Variants in DNAH2 observed in about 807,000 individuals in gnomAD.
The protein encoded by DNAH2 is dynein axonemal heavy chain 2.
A neutral mutation model predicts 523.5 loss-of-function variants in DNAH2; 323 were observed. The ratio of observed to expected loss-of-function variants is 0.62; its 90% CI spans 0.56 to 0.68. DNAH2 has a LOEUF of 0.68. Ranked by LOEUF, DNAH2 falls within the 30% of genes least tolerant of loss-of-function variation. The pLI, the probability that DNAH2 is intolerant of heterozygous loss-of-function variation, is 0.00. For synonymous variants in DNAH2, 2,093 were observed against 2,177.4 expected (o/e 0.96, Z 1.08); for missense variants, 4,907 against 5,701.5 (o/e 0.86, Z 4.49).
intron 8 of DNAH2, 73 bp downstream of exon 8, chr17:7,737,331 T>A: frequency 6.7e-7 from 1 of 1,483,862 alleles, no homozygotes; most frequent in South Asian, 1.2e-5. Context: ...GGGGAATGCA[T>A]TCGGCAGAGG....
In DNAH2 at chr17:7,833,642, C is replaced by T. The variant is rs563618149; in HGVS notation, c.*109C>T. 17 of 1,487,306 alleles carry T rather than the reference C, an allele frequency of 1.1e-5. No homozygotes were observed. The highest frequency in any genetic ancestry group is 1.7e-4 in the Middle Eastern group (1 of 5,842). The allele number at this position is 1,487,306 out of a possible 1,614,324, so 92.1% of individuals were successfully genotyped here. On this transcript the variant is annotated 3_prime_UTR_variant, in exon 86 of 86. Coordinates refer to ENST00000572933, the MANE Select transcript of DNAH2 (RefSeq NM_020877.5). ...ACCTCACTCAGACTTTGACCTTGGC[C>T]GAATTTGTGTGATGTGGCCCTGGAG...
At chr17:7,750,387 CG>C (rs1318475018) in intron 12 of DNAH2, among the ~76,000 whole-genome samples, 1 of 152,196 alleles carries the variant, frequency 6.6e-6, no homozygotes, top group Non-Finnish European at 1.5e-5. Context: ...GCAGTTACCC[CG>C]GGACTTCCCT....
rs540695293 is a variant in DNAH2, at chr17:7,733,188, T to C, written c.501T>C (p.Tyr167=). Residue 167 remains tyrosine (Y), a synonymous_variant, in exon 5 of 86, where the codon TAT becomes TAC. Coordinates refer to ENST00000572933, the MANE Select transcript of DNAH2 (RefSeq NM_020877.5). ...TVQFGTVRGP[Y]IPALLRLLGG... is the part of the protein sequence containing the mutation. ...AGTTTGGGACGGTGCGGGGCCCCTA[T>C]ATCCCGGCCCTGCTTCGGCTGCTCG... is the stretch of plus-strand genomic sequence containing the variant. 62 of 1,614,224 alleles carry C rather than the reference T, an allele frequency of 3.8e-5. 2 individuals carry two copies. In the South Asian group the frequency reaches 6.6e-4, roughly 17 times the overall value.
rs758740527 is a variant in DNAH2 at position 7,824,584 on chromosome 17, C to G, written c.11710C>G (p.Pro3904Ala). 3.8e-6 allele frequency: 6 copies of G among 1,597,692 alleles called. No individual in the cohort carries two copies. Among genetic ancestry groups the G allele is most frequent in the Non-Finnish European group, 5.1e-6 (6 of 1,168,526 alleles). The stretch of plus-strand genomic sequence containing the variant: ...CTGCCACCTGTCACTGTCTTGGATG[C>G]CTAATCTGGACAAGCTGGTGGAGCA... The part of the protein sequence containing the change: ...ANCHLSLSWM[P>A]NLDKLVEQLQ... Residue 3904 changes from proline to alanine, a missense_variant, in exon 77 of 86, where the codon CCT (proline) becomes GCT (alanine). This residue lies in a region of DNAH2 where 1,851 missense variants were observed against 2,139.4 expected (regional missense o/e 0.87). Coordinates refer to ENST00000572933, the MANE Select transcript of DNAH2 (RefSeq NM_020877.5).
intron 39 of DNAH2, among the ~76,000 whole-genome samples, chr17:7,783,363 C>G (rs1264825280): frequency 4.6e-5 from 7 of 152,156 alleles, no homozygotes; most frequent in Admixed American, 2.0e-4. Flanking sequence ...AGGCATGAGC[C>G]ACTGCGCCGG....
rs1220189244 is a variant in DNAH2 at position 7,778,029 on chromosome 17, C to G, written c.5248-48C>G. 6 of 1,530,744 alleles carry G rather than the reference C, an allele frequency of 3.9e-6. No homozygotes were observed. In the Admixed American group the frequency reaches 1.0e-4, roughly 26 times the overall value. 94.8% of individuals were successfully genotyped at this position (1,530,744 alleles called of 1,614,324 possible). ...CTCTCAGTCATTGTCCCAGCTCTAA[C>G]TCTCCTTCCAAGCCCACCTCTCTCT... On this transcript the variant is annotated intron_variant, in intron 33 of 85. Coordinates refer to ENST00000572933, the MANE Select transcript of DNAH2 (RefSeq NM_020877.5).
chr17:7,818,686 G>A lies in DNAH2; in HGVS notation c.10580G>A (p.Arg3527Gln), dbSNP rs373338819. The change falls in exon 70 of 86, where the codon CGG becomes CAG. Residue 3527 changes from arginine (R) to glutamine (Q), a missense_variant. Arg to Gln is a conservative substitution (Grantham distance 43). Around this residue, in one of 3 missense-constraint regions of DNAH2, gnomAD observed 1,851 missense variants for 2,139.4 expected, o/e 0.87. Transcript: ENST00000572933. ...CTGGGCATTGTGGTGCGGAAGGAGC[G>A]GCCTGAGCTGGAGGAGCAGAAGGAC... Reference protein sequence around the residue: ...QLLGIVVRKERPELEEQKDSL... With the variant: ...QLLGIVVRKEQPELEEQKDSL... The A allele has an allele frequency of 8.1e-5, 130 of 1,613,946 alleles. No individual in the cohort carries two copies. Among genetic ancestry groups the A allele is most frequent in the Admixed American group, 1.0e-4 (6 of 60,008 alleles).
intron 12 of DNAH2, among the ~76,000 whole-genome samples, chr17:7,749,494 A>C (rs1039314986): frequency 2.0e-5 from 3 of 151,978 alleles, no homozygotes; most frequent in African/African-American, 7.2e-5. Flanking sequence ...GGACATGATA[A>C]TACGTTTATG....
chr17:7,758,787 G>T, intron 14 of DNAH2, 98 bp from the exon 15 acceptor site: 1 of 1,566,504 alleles, frequency 6.4e-7, no homozygotes, highest in Non-Finnish European at 8.6e-7. Flanking sequence ...TTTTTTGTGT[G>T]TCATCCAGTC....
intron 12 of DNAH2, among the ~76,000 whole-genome samples, chr17:7,746,253 G>A (rs1175626848): frequency 6.6e-6 from 1 of 152,150 alleles, no homozygotes; most frequent in Non-Finnish European, 1.5e-5. Flanking sequence ...TCTACAAAAG[G>A]ATAGAGAATG....
chr17:7,736,101 C>A (rs751009863), intron 7 of DNAH2, among the ~76,000 whole-genome samples: 1 of 152,096 alleles, frequency 6.6e-6, no homozygotes, highest in African/African-American at 2.4e-5. Context: ...GTTGTCCAGG[C>A]TGGTCTCAAA....
At chr17:7,818,589 A>C in intron 69 of DNAH2, 54 bp from the exon 70 acceptor site, 1 of 1,607,588 alleles carries the variant, frequency 6.2e-7, no homozygotes, top group Non-Finnish European at 8.5e-7. Context: ...AGAGATGAGG[A>C]AGGTGAAGGT....
Position 7,828,602 on chromosome 17 carries a change from T to C in DNAH2, c.11854-1698T>C, listed in dbSNP as rs2078084167. Among the ~76,000 whole-genome samples, 2 of 151,408 alleles carry C rather than the reference T, an allele frequency of 1.3e-5. No individual in the cohort carries two copies. Among genetic ancestry groups the C allele is most frequent in the African/African-American group, 4.9e-5 (2 of 40,702 alleles). On this transcript the variant is annotated intron_variant, in intron 77 of 85. Coordinates refer to ENST00000572933, the MANE Select transcript of DNAH2 (RefSeq NM_020877.5). The surrounding 1 kb of genome is among the most constrained non-coding windows in gnomAD (Gnocchi z 4.1). ...ATTTTAATAAAATTCTGTAATGTTCTTTTTTTATTTTTTATTTTTTAAATA... is the reference window on the plus strand; with the variant it reads ...ATTTTAATAAAATTCTGTAATGTTCCTTTTTTATTTTTTATTTTTTAAATA...
chr17:7,745,890 G>A (rs1476575886), intron 12 of DNAH2, among the ~76,000 whole-genome samples: 1 of 152,168 alleles, frequency 6.6e-6, no homozygotes, highest in Admixed American at 6.6e-5. Context: ...GCCAGCGAGA[G>A]TAGATACAGC....
chr17:7,770,440 T>A, intron 25 of DNAH2, 32 bp downstream of exon 25: 1 of 1,611,604 alleles, frequency 6.2e-7, no homozygotes, highest in Non-Finnish European at 8.5e-7. Context: ...CTCCCACACC[T>A]CCTGCGCCTC....
intron 52 of DNAH2, 46 bp from the exon 53 acceptor site, chr17:7,797,634 G>T: frequency 6.2e-7 from 1 of 1,613,808 alleles, no homozygotes; most frequent in Non-Finnish European, 8.5e-7. Context: ...GTGGGGGGAG[G>T]CAAACCAGGC....
At position 7,786,129 on chromosome 17, in the gene DNAH2, G is replaced by A; in HGVS notation, c.6135G>A (p.Arg2045=). The A allele has an allele frequency of 6.2e-7, 1 of 1,613,940 alleles. No homozygotes were observed. The highest frequency in any genetic ancestry group is 8.5e-7 in the Non-Finnish European group (1 of 1,180,028). ...ELPVIDYGKL[R]ETVEQEIRDM... is the part of the protein sequence containing the mutation. Reference sequence around the variant, plus strand: ...TGTGTTTTCCCTTCCCTCAGCTGCGGGAGACCGTTGAGCAGGAGATTCGAG... The same window carrying A: ...TGTGTTTTCCCTTCCCTCAGCTGCGAGAGACCGTTGAGCAGGAGATTCGAG... Residue 2045 remains arginine (R), a synonymous_variant, in exon 40 of 86, where the codon CGG becomes CGA. Transcript: ENST00000572933. The surrounding 1 kb of genome is among the most constrained non-coding windows in gnomAD (Gnocchi z 7.5).
intron 12 of DNAH2, among the ~76,000 whole-genome samples, chr17:7,745,119 C>T (rs547379317): frequency 1.3e-5 from 2 of 151,982 alleles, no homozygotes; most frequent in Non-Finnish European, 2.9e-5. Context: ...CTCAGCCTCC[C>T]GAGTATCTGG....
intron 63 of DNAH2, among the ~76,000 whole-genome samples, chr17:7,811,423 A>T (rs1303013570): frequency 6.6e-6 from 1 of 152,208 alleles, no homozygotes; most frequent in Non-Finnish European, 1.5e-5. Flanking sequence ...CTGAAGTTAA[A>T]GTCCCCAAGT....
Sources: allele counts gnomAD v4.1 joint callset (sites outside exome capture counted in the v4.1 genomes callset), GRCh38; gene constraint gnomAD v4.1.1; regional missense constraint gnomAD v4.1.1; non-coding constraint Gnocchi (gnomAD v3.1); transcripts MANE v1.5; gene names NCBI Gene and HGNC (gene_info 2026-07-23, HGNC 2026-07-21).